The following C12orf42 variants were observed in gnomAD, a reference collection of about 807,000 sequenced individuals.
C12orf42 encodes uncharacterized protein C12orf42.
A neutral mutation model predicts 21.6 loss-of-function variants in C12orf42; 25 were observed. The observed-to-expected ratio is 1.16, with a 90% CI of 0.84 to 1.62. The LOEUF is 1.62. Ranked by LOEUF, C12orf42 falls within the 40% of genes most tolerant of loss-of-function variation. The probability of loss-of-function intolerance (pLI) is 0.00; values close to 1 mark genes in which losing one functional copy is unlikely to be tolerated. For missense variants in C12orf42, 483 were observed against 459.3 expected, an observed-to-expected ratio of 1.05 and a Z score of -0.47; for synonymous variants, 174 against 175.0, an observed-to-expected ratio of 0.99 and a Z score of 0.05.
At chr12:103,448,671 A>G (rs1259083439) in intron 2 of C12orf42, among the ~76,000 whole-genome samples, 5 of 152,062 alleles carry the variant, frequency 3.3e-5, no homozygotes, top group African/African-American at 1.2e-4. Context: ...TTGGCCAACA[A>G]GCATATAGAA....
chr12:103,294,620 G>GAAAGA (rs2037115455), intron 4 of C12orf42, among the ~76,000 whole-genome samples: 1 of 138,866 alleles, frequency 7.2e-6, no homozygotes, highest in African/African-American at 2.9e-5. Flanking sequence ...AAGAAAGAAA[G>GAAAGA]AAAGAAAGAA....
At chr12:103,133,267 G>A in the C12orf42 span, among the ~76,000 whole-genome samples, 1 of 152,094 alleles carries the variant, frequency 6.6e-6, no homozygotes, top group Non-Finnish European at 1.5e-5. Flanking sequence ...GGGATCCAGA[G>A]GTTAGTCACT....
At chr12:103,165,691 A>G in the C12orf42 span, among the ~76,000 whole-genome samples, 2 of 152,222 alleles carry the variant, frequency 1.3e-5, no homozygotes, top group Non-Finnish European at 1.5e-5. Context: ...TCACAAAGCC[A>G]GGCAAAATCA....
At chr12:103,548,539 CA>C in the C12orf42 span, 7 of 152,132 alleles carry the variant, frequency 4.6e-5, no homozygotes, top group African/African-American at 1.4e-4. Context: ...GACATACATC[CA>C]CTCTCTTTAA....
the C12orf42 span, among the ~76,000 whole-genome samples, chr12:103,555,642 AC>A: frequency 6.6e-6 from 1 of 152,100 alleles, no homozygotes; most frequent in Non-Finnish European, 1.5e-5. Flanking sequence ...GTGGTTAGAA[AC>A]ATCAAAGCTC....
chr12:103,524,668 C>T, the C12orf42 span, among the ~76,000 whole-genome samples: 1 of 152,134 alleles, frequency 6.6e-6, no homozygotes, highest in South Asian at 2.1e-4. Flanking sequence ...GTCACAATGC[C>T]CTGGGTCATT....
intron 4 of C12orf42, among the ~76,000 whole-genome samples, chr12:103,334,639 G>A (rs1038792351): frequency 2.0e-5 from 3 of 151,998 alleles, no homozygotes; most frequent in African/African-American, 7.3e-5. Context: ...TCCCAGCCAC[G>A]ATTTCCCCTG....
chr12:103,244,336 A>C (rs1271652217), intron 10 of C12orf42, among the ~76,000 whole-genome samples: 1 of 152,030 alleles, frequency 6.6e-6, no homozygotes, highest in African/African-American at 2.4e-5. Context: ...GCAGTATGGC[A>C]TCTCCGAGAT....
the C12orf42 span, among the ~76,000 whole-genome samples, chr12:103,191,577 C>T: frequency 1.4e-4 from 10 of 72,094 alleles, no homozygotes; most frequent in African/African-American, 5.4e-4. Context: ...AAAAAAAATA[C>T]AAAAGAGAAA....
the C12orf42 span, among the ~76,000 whole-genome samples, chr12:103,177,927 A>G: frequency 6.6e-6 from 1 of 152,104 alleles, no homozygotes; most frequent in Non-Finnish European, 1.5e-5. Flanking sequence ...CATGTAAATA[A>G]AGAATGGATA....
chr12:103,124,625 C>G, the C12orf42 span, among the ~76,000 whole-genome samples: 1 of 152,016 alleles, frequency 6.6e-6, no homozygotes, highest in East Asian at 1.9e-4. Context: ...GGATACAGAT[C>G]AGAAAACTCA....
the C12orf42 span, among the ~76,000 whole-genome samples, chr12:103,511,165 T>C: frequency 6.6e-6 from 1 of 152,138 alleles, no homozygotes; most frequent in Non-Finnish European, 1.5e-5. Flanking sequence ...ATGCTGGTCT[T>C]TCCAAACTCA....
At chr12:103,277,051 A>T (rs2035813768) in intron 5 of C12orf42, 2 of 428,210 alleles carry the variant, frequency 4.7e-6, no homozygotes, top group Admixed American at 2.8e-5. Flanking sequence ...GAAATTTTTT[A>T]AAGTGCTATT....
chr12:103,333,418 T>C (rs2041418406), intron 4 of C12orf42, among the ~76,000 whole-genome samples: 1 of 152,210 alleles, frequency 6.6e-6, no homozygotes. Context: ...AACTAGAATT[T>C]TACCTGACTT....
intron 1 of C12orf42, among the ~76,000 whole-genome samples, chr12:103,485,480 T>C (rs1954770663): frequency 6.6e-6 from 1 of 152,214 alleles, no homozygotes; most frequent in Non-Finnish European, 1.5e-5. Context: ...CATATGAACT[T>C]TAAAGTAGTT....
intron 1 of C12orf42, chr12:103,495,696 C>A (rs1307847237): frequency 6.6e-6 from 1 of 152,236 alleles, no homozygotes; most frequent in Non-Finnish European, 1.5e-5. Context: ...CTTGGCCCCC[C>A]ACCCCCCTGC....
the C12orf42 span, among the ~76,000 whole-genome samples, chr12:103,102,294 A>C: frequency 1.3e-5 from 2 of 152,232 alleles, no homozygotes; most frequent in Non-Finnish European, 2.9e-5. Flanking sequence ...CAAAACCTTA[A>C]GGCCATTCTG....
intron 4 of C12orf42, among the ~76,000 whole-genome samples, chr12:103,323,811 C>T (rs906930018): frequency 6.6e-6 from 1 of 152,122 alleles, no homozygotes; most frequent in Non-Finnish European, 1.5e-5. Context: ...AGTTACACCC[C>T]AGCCCAAGAT....
the C12orf42 span, among the ~76,000 whole-genome samples, chr12:103,218,279 CAAAA>C: frequency 1.1e-5 from 1 of 93,116 alleles, no homozygotes. Flanking sequence ...AACTCCGCTT[CAAAA>C]AAAAAAAAAA....
Sources: allele counts gnomAD v4.1 joint callset (sites outside exome capture counted in the v4.1 genomes callset), GRCh38; gene constraint gnomAD v4.1.1; transcripts MANE v1.5; gene names NCBI Gene and HGNC (gene_info 2026-07-23, HGNC 2026-07-21).